The following CCDC91 variants were observed in gnomAD, a reference collection of about 807,000 sequenced individuals.
CCDC91 encodes coiled-coil domain-containing protein 91.
CCDC91 carries 48 observed loss-of-function variants against 63.2 expected under a neutral mutation model. The observed-to-expected ratio is 0.76, with a 90% CI of 0.60 to 0.97. The LOEUF is 0.97. Ranked by LOEUF, CCDC91 falls within the 50% of genes least tolerant of loss-of-function variation. The pLI, the probability that CCDC91 is intolerant of heterozygous loss-of-function variation, is 0.00. For missense variants in CCDC91, 500 were observed against 494.6 expected (o/e 1.01, Z -0.10); for synonymous variants, 167 against 165.8 (o/e 1.01, Z -0.06).
At chr12:28,499,674 T>G (rs935586387) in intron 12 of CCDC91, among the ~76,000 whole-genome samples, 1 of 152,170 alleles carries the variant, frequency 6.6e-6, no homozygotes, top group Non-Finnish European at 1.5e-5. Context: ...GGACATGAAC[T>G]CATCCTTTTT....
intron 7 of CCDC91, among the ~76,000 whole-genome samples, chr12:28,375,570 T>A (rs1944894618): frequency 6.6e-6 from 1 of 151,968 alleles, no homozygotes; most frequent in Non-Finnish European, 1.5e-5. Context: ...AAAACTAACC[T>A]AATGTGCCTC....
intron 11 of CCDC91, among the ~76,000 whole-genome samples, chr12:28,476,645 C>A (rs545037460): frequency 6.6e-6 from 1 of 152,096 alleles, no homozygotes; most frequent in African/African-American, 2.4e-5. Flanking sequence ...GAGATAGAAA[C>A]ACAAAAAACC....
At chr12:28,315,436 G>A (rs556982183) in intron 6 of CCDC91, among the ~76,000 whole-genome samples, 2 of 151,850 alleles carry the variant, frequency 1.3e-5, no homozygotes, top group Admixed American at 1.3e-4. Flanking sequence ...AAAATGCTGG[G>A]ATTACAGGCA....
intron 1 of CCDC91, chr12:28,226,020 C>T (rs1302572094): frequency 6.6e-6 from 1 of 152,238 alleles, no homozygotes; most frequent in Non-Finnish European, 1.5e-5. Context: ...ATTTCTGAAG[C>T]TCTGACTTGC....
At chr12:28,535,700 G>A (rs1422475925) in intron 12 of CCDC91, among the ~76,000 whole-genome samples, 2 of 152,138 alleles carry the variant, frequency 1.3e-5, no homozygotes, top group African/African-American at 4.8e-5. Flanking sequence ...ACTTTTACCA[G>A]ATTTTATTCT....
rs79678031 is a variant in CCDC91, at chr12:28,419,088, T to A, written c.762+27677T>A. On this transcript the variant is annotated intron_variant, in intron 8 of 12. Coordinates refer to ENST00000536442, the MANE Select transcript of CCDC91 (RefSeq NM_018318.5). ...GGAAAAACAAGCATTTTTTTACATA[T>A]GTTTTATACCAAACCCTGGAGGGGT... Among the ~76,000 whole-genome samples, 692 of 152,284 alleles carry A rather than the reference T, an allele frequency of 4.5e-3. 8 individuals carry two copies. Among genetic ancestry groups the A allele is most frequent in the African/African-American group, 0.014 (582 of 41,570 alleles).
intron 11 of CCDC91, among the ~76,000 whole-genome samples, chr12:28,466,181 A>G (rs1325977286): frequency 1.3e-5 from 2 of 152,210 alleles, no homozygotes; most frequent in African/African-American, 4.8e-5. Flanking sequence ...AGACAAAAGA[A>G]TAAAAAACAA....
At chr12:28,411,620 A>G (rs1947322232) in intron 8 of CCDC91, among the ~76,000 whole-genome samples, 2 of 152,150 alleles carry the variant, frequency 1.3e-5, no homozygotes, top group African/African-American at 2.4e-5. Flanking sequence ...TGTACCCATA[A>G]TTGTTTAGTA....
At chr12:28,246,527 G>A (rs1232400563) in intron 1 of CCDC91, among the ~76,000 whole-genome samples, 1 of 152,070 alleles carries the variant, frequency 6.6e-6, no homozygotes, top group Admixed American at 6.5e-5. Context: ...TTGCTTATAT[G>A]GGGGACTCCA....
Position 28,420,845 on chromosome 12 carries a change from A to G in CCDC91, c.763-29316A>G, listed in dbSNP as rs551027962. 4.6e-5 allele frequency among the ~76,000 whole-genome samples: 7 copies of G among 152,112 alleles called. No homozygotes were observed. The South Asian group carries it at 1.5e-3, about 32-fold the overall frequency. ...TTATTTTCAATATCTGACATTTAGA[A>G]TCCGCAAAATTTTTGAATTCACAAA... On this transcript the variant is annotated intron_variant, in intron 8 of 12. Coordinates refer to ENST00000536442, the MANE Select transcript of CCDC91 (RefSeq NM_018318.5).
chr12:28,263,183 T>C (rs1392255515), intron 3 of CCDC91, among the ~76,000 whole-genome samples: 1 of 152,066 alleles, frequency 6.6e-6, no homozygotes, highest in Admixed American at 6.6e-5. Context: ...AGTTTACCGT[T>C]CTTTTACTTC....
intron 1 of CCDC91, among the ~76,000 whole-genome samples, chr12:28,253,813 C>T (rs563536329): frequency 1.3e-5 from 2 of 152,304 alleles, no homozygotes; most frequent in East Asian, 3.9e-4. Context: ...TGAAATCTTT[C>T]TCAAATGTCT....
chr12:28,389,125 G>C (rs1383818772), intron 7 of CCDC91, among the ~76,000 whole-genome samples: 1 of 152,074 alleles, frequency 6.6e-6, no homozygotes, highest in Non-Finnish European at 1.5e-5. Flanking sequence ...ATCCGGAATC[G>C]ACAAGGAACA....
In CCDC91 at chr12:28,342,207, GAAACA is replaced by G. The variant is rs370197622; in HGVS notation, c.577-20227_577-20223del. Among the ~76,000 whole-genome samples, 820 of 152,288 alleles carry G rather than the reference GAAACA, an allele frequency of 5.4e-3. 5 individuals carry two copies. Among genetic ancestry groups the G allele is most frequent in the African/African-American group, 0.019 (784 of 41,552 alleles). On this transcript the variant is annotated intron_variant, in intron 6 of 12. Coordinates refer to ENST00000536442, the MANE Select transcript of CCDC91 (RefSeq NM_018318.5). Reference sequence around the variant, plus strand: ...GAATTTTGTCAACAGTTCAAATTAAGAAACAAAAGAAGCCCTTCCCTAGAGCCTCC... The same window carrying G: ...GAATTTTGTCAACAGTTCAAATTAAGAAAGAAGCCCTTCCCTAGAGCCTCC...
At position 28,495,543 on chromosome 12, in the gene CCDC91, A is replaced by G. The variant is rs562845159; in HGVS notation, c.1215+11378A>G. On this transcript the variant is annotated intron_variant, in intron 12 of 12. Transcript: ENST00000536442. ...TTTTGCTACCTCAGCGTCCCATAAC[A>G]TTGGAAGCCACGTAGCCCACCAGCA... is the stretch of plus-strand genomic sequence containing the variant. Among the ~76,000 whole-genome samples the G allele has an allele frequency of 7.1e-4, 107 of 151,700 alleles. 3 individuals are homozygous for G. In the South Asian group the frequency reaches 0.022, roughly 31 times the overall value.
chr12:28,304,543 T>C (rs1938502100), intron 3 of CCDC91: 2 of 471,998 alleles, frequency 4.2e-6, no homozygotes, highest in South Asian at 4.3e-5. Flanking sequence ...TATAAGATAA[T>C]TGAATTCTTA....
chr12:28,485,944 C>CT (rs1951702378), intron 12 of CCDC91, among the ~76,000 whole-genome samples: 1 of 152,024 alleles, frequency 6.6e-6, no homozygotes, highest in Admixed American at 6.6e-5. Context: ...TGGGTATTTG[C>CT]TTTTTTATCA....
At chr12:28,393,195 C>T (rs771956937) in intron 8 of CCDC91, among the ~76,000 whole-genome samples, 1 of 151,866 alleles carries the variant, frequency 6.6e-6, no homozygotes, top group Non-Finnish European at 1.5e-5. Flanking sequence ...GAAGATTATA[C>T]CATTTCTGAA....
chr12:28,305,553 TCCTC>T, intron 3 of CCDC91, 92 bp from the exon 4 acceptor site: 2 of 1,035,646 alleles, frequency 1.9e-6, no homozygotes, highest in Admixed American at 2.8e-5. Flanking sequence ...TTTTTTCTTT[TCCTC>T]TATTTCAGCT....
Sources: allele counts gnomAD v4.1 joint callset (sites outside exome capture counted in the v4.1 genomes callset), GRCh38; gene constraint gnomAD v4.1.1; transcripts MANE v1.5; gene names NCBI Gene and HGNC (gene_info 2026-07-23, HGNC 2026-07-21).